The following CNTN5 variants were observed in gnomAD, a reference collection of about 807,000 sequenced individuals.
The protein encoded by CNTN5 is contactin-5.
A neutral mutation model predicts 129.1 loss-of-function variants in CNTN5; 77 were observed. The ratio of observed to expected loss-of-function variants is 0.60; its 90% CI spans 0.50 to 0.72. The LOEUF (loss-of-function observed/expected upper bound fraction) is 0.72. Among genes scored for constraint, CNTN5 ranks in the 30% least tolerant of loss-of-function variants. CNTN5 has a pLI of 0.00. For synonymous variants in CNTN5, 509 were observed against 465.6 expected (o/e 1.09, Z -1.20); for missense variants, 1,478 against 1,328.8 (o/e 1.11, Z -1.75).
intron 6 of CNTN5, among the ~76,000 whole-genome samples, chr11:99,889,415 G>T (rs1336685358): frequency 6.7e-6 from 1 of 148,606 alleles, no homozygotes. Context: ...GTAAAATACA[G>T]TATTCTATAA....
chr11:100,035,154 A>G, intron 9 of CNTN5, among the ~76,000 whole-genome samples: 1 of 151,912 alleles, frequency 6.6e-6, no homozygotes, highest in East Asian at 1.9e-4. Context: ...CCGATGTGTG[A>G]TGTTCCCCTT....
chr11:99,645,917 CA>C (rs11367878), intron 3 of CNTN5, among the ~76,000 whole-genome samples: 90,888 of 151,580 alleles, frequency 0.6, 28,068 homozygotes, highest in Admixed American at 0.69. Context: ...GCAAGTTTTG[CA>C]CATGTATCCC....
intron 3 of CNTN5, among the ~76,000 whole-genome samples, chr11:99,806,374 A>G (rs1946269750): frequency 6.6e-6 from 1 of 152,164 alleles, no homozygotes; most frequent in Non-Finnish European, 1.5e-5. Context: ...CCCCCACTAA[A>G]TTTACTTATA....
At chr11:99,343,385 G>A (rs1866609579) in intron 2 of CNTN5, among the ~76,000 whole-genome samples, 1 of 152,200 alleles carries the variant, frequency 6.6e-6, no homozygotes, top group African/African-American at 2.4e-5. Context: ...AAAGGTTTCT[G>A]ACTCTGAATT....
At chr11:99,125,934 T>C (rs1858605017) in intron 1 of CNTN5, among the ~76,000 whole-genome samples, 2 of 152,126 alleles carry the variant, frequency 1.3e-5, no homozygotes, top group African/African-American at 4.8e-5. Context: ...GAGGCTCTAA[T>C]TCGTACAATT....
chr11:99,310,577 C>T (rs1865065623), intron 1 of CNTN5, among the ~76,000 whole-genome samples: 1 of 152,056 alleles, frequency 6.6e-6, no homozygotes, highest in South Asian at 2.1e-4. Flanking sequence ...ATACACATTT[C>T]AATGAGTTTT....
At chr11:99,475,988 A>C (rs1382858238) in intron 2 of CNTN5, among the ~76,000 whole-genome samples, 2 of 151,986 alleles carry the variant, frequency 1.3e-5, no homozygotes, top group Non-Finnish European at 2.9e-5. Context: ...GCTTAATGCA[A>C]ATTCCTGTGA....
intron 2 of CNTN5, among the ~76,000 whole-genome samples, chr11:99,353,010 G>T (rs1938405131): frequency 6.6e-6 from 1 of 152,130 alleles, no homozygotes; most frequent in Admixed American, 6.5e-5. Context: ...TGAATCTCTT[G>T]TCGTTCCTTT....
At chr11:100,097,308 A>C (rs1945041721) in intron 13 of CNTN5, among the ~76,000 whole-genome samples, 1 of 152,118 alleles carries the variant, frequency 6.6e-6, no homozygotes, top group Non-Finnish European at 1.5e-5. Flanking sequence ...TGATTTGCTC[A>C]AATTCATGAA....
intron 3 of CNTN5, among the ~76,000 whole-genome samples, chr11:99,645,175 G>T (rs1463874262): frequency 7.5e-6 from 1 of 133,552 alleles, no homozygotes; most frequent in Non-Finnish European, 1.5e-5. Flanking sequence ...CTGGAGAATT[G>T]CTTGAACCAG....
intron 3 of CNTN5, among the ~76,000 whole-genome samples, chr11:99,674,286 G>A (rs138380368): frequency 3.0e-3 from 284 of 94,226 alleles, no homozygotes; most frequent in African/African-American, 0.011. Context: ...TAAGCCCTTG[G>A]CCCACCTTTT....
intron 4 of CNTN5, among the ~76,000 whole-genome samples, chr11:99,827,776 T>C (rs1947012492): frequency 6.6e-6 from 1 of 151,472 alleles, no homozygotes; most frequent in Non-Finnish European, 1.5e-5. Flanking sequence ...TTTACCTCTC[T>C]ATAGTATAAT....
intron 13 of CNTN5, among the ~76,000 whole-genome samples, chr11:100,140,939 A>G (rs907680152): frequency 6.6e-6 from 1 of 152,168 alleles, no homozygotes; most frequent in Non-Finnish European, 1.5e-5. Context: ...AAAGTCCCCC[A>G]TCCTTCAGCT....
At chr11:100,199,871 A>T (rs1948733929) in intron 15 of CNTN5, among the ~76,000 whole-genome samples, 1 of 151,968 alleles carries the variant, frequency 6.6e-6, no homozygotes, top group African/African-American at 2.4e-5. Context: ...ACTTTGTACT[A>T]AGAATGTCCA....
At position 100,074,473 on chromosome 11, in the gene CNTN5, G is replaced by T. The variant is rs1212583105; in HGVS notation, c.1580+179G>T. 4 of 545,290 alleles carry T rather than the reference G, an allele frequency of 7.3e-6. No individual in the cohort carries two copies. The South Asian group carries it at 8.7e-5, about 12-fold the overall frequency. 33.8% of individuals were successfully genotyped at this position (545,290 alleles called of 1,614,324 possible). On this transcript the variant is annotated intron_variant, in intron 13 of 24. Coordinates refer to ENST00000524871, the MANE Select transcript of CNTN5 (RefSeq NM_014361.4). The stretch of plus-strand genomic sequence containing the variant: ...AGAACCCAAAGTTTGACTTCAAAAT[G>T]GTCAGTCTTCTTTGACTCCATGGGG...
At chr11:99,318,284 G>A (rs1005666196) in intron 1 of CNTN5, among the ~76,000 whole-genome samples, 20 of 152,232 alleles carry the variant, frequency 1.3e-4, no homozygotes, top group Admixed American at 7.9e-4. Flanking sequence ...ATAATCTGAA[G>A]TCCAGAGAAG....
rs774813872 is a variant in CNTN5 at position 99,309,216 on chromosome 11, C to CTAT, written c.-209-16128_-209-16126dup. Among the ~76,000 whole-genome samples the CTAT allele has an allele frequency of 3.5e-3, 503 of 143,844 alleles. 5 individuals are homozygous for CTAT. The highest frequency in any genetic ancestry group is 3.7e-3 in the Non-Finnish European group (242 of 66,204). The allele number at this position is 143,844 out of a possible 152,430, so 94.4% of individuals were successfully genotyped here. A position where few individuals can be genotyped will look rare whatever the true frequency, so the allele number is the denominator to read the frequency against. On this transcript the variant is annotated intron_variant, in intron 1 of 24. Coordinates refer to ENST00000524871, the MANE Select transcript of CNTN5 (RefSeq NM_014361.4). The stretch of plus-strand genomic sequence containing the variant: ...AGAGTGTTGGGTGGTTTTGTTTTTG[C>CTAT]TATTTCTTTTTTTTTTTTTTGTATT...
chr11:99,701,543 T>C (rs1284905454), intron 3 of CNTN5, among the ~76,000 whole-genome samples: 1 of 151,134 alleles, frequency 6.6e-6, no homozygotes, highest in Non-Finnish European at 1.5e-5. Context: ...ATTTTATGTA[T>C]GAAAGTGAAG....
rs181954717 is a variant in CNTN5 at position 99,110,376 on chromosome 11, G to T, written c.-210+89106G>T. On this transcript the variant is annotated intron_variant, in intron 1 of 24. Transcript: ENST00000524871. ...TTGCTGATTTAGTATGGAATATCTC[G>T]CTTTTTCAAAGCATATTATATGACG... is the stretch of plus-strand genomic sequence containing the variant. Among the ~76,000 whole-genome samples, 170 of 152,142 alleles carry T rather than the reference G, an allele frequency of 1.1e-3. 1 individual carries two copies. Among genetic ancestry groups the T allele is most frequent in the African/African-American group, 3.9e-3 (162 of 41,536 alleles).
Sources: gnomAD v4.1 joint callset for allele counts (sites outside exome capture counted in the v4.1 genomes callset) on GRCh38, gnomAD v4.1.1 for gene constraint, MANE v1.5 for transcripts, NCBI Gene and HGNC (gene_info 2026-07-23, HGNC 2026-07-21) for gene names.